SLC35F4: variants seen among roughly 807,000 people sequenced by gnomAD.
SLC35F4 encodes the protein solute carrier family 35 member F4, also known as chromosome 14 open reading frame 36.
SLC35F4 carries 24 observed loss-of-function variants against 44.2 expected under a neutral mutation model. That is an observed-to-expected ratio of 0.54 (90% CI 0.39 to 0.76). The LOEUF (loss-of-function observed/expected upper bound fraction) is 0.76. Ranked by LOEUF, SLC35F4 falls within the 30% of genes least tolerant of loss-of-function variation. The probability of loss-of-function intolerance (pLI) is 0.00; values close to 1 mark genes in which losing one functional copy is unlikely to be tolerated. For missense variants in SLC35F4, 562 were observed against 586.1 expected, an observed-to-expected ratio of 0.96 and a Z score of 0.42; for synonymous variants, 238 against 223.6, an observed-to-expected ratio of 1.06 and a Z score of -0.57.
chr14:57,627,287 T>G (rs541728401), intron 1 of SLC35F4, among the ~76,000 whole-genome samples: 17 of 152,236 alleles, frequency 1.1e-4, no homozygotes, highest in African/African-American at 3.9e-4. Flanking sequence ...TTTATCTTCG[T>G]AGTCTCAAAA....
chr14:57,609,399 T>C (rs1415507041), intron 1 of SLC35F4, among the ~76,000 whole-genome samples: 2 of 152,142 alleles, frequency 1.3e-5, no homozygotes, highest in Admixed American at 6.5e-5. Context: ...GCTTCCATGA[T>C]TGTTGCAAAT....
intron 1 of SLC35F4, among the ~76,000 whole-genome samples, chr14:57,656,374 TATACACACACACACACAC>T (rs2073973177): frequency 1.6e-5 from 2 of 125,678 alleles, no homozygotes; most frequent in African/African-American, 5.6e-5. Flanking sequence ...TATATATATA[TATACACACACACACACAC>T]ACACACACAC....
intron 1 of SLC35F4, among the ~76,000 whole-genome samples, chr14:57,836,863 C>T (rs755185856): frequency 1.3e-5 from 2 of 152,262 alleles, no homozygotes; most frequent in South Asian, 2.1e-4. Context: ...ATGACTATAA[C>T]GCCATCATCA....
chr14:57,958,273 T>C (rs1224348369), intron 1 of SLC35F4, among the ~76,000 whole-genome samples: 1 of 152,068 alleles, frequency 6.6e-6, no homozygotes, highest in East Asian at 1.9e-4. Flanking sequence ...TTAGCTGGGA[T>C]GGTCTCAATC....
intron 1 of SLC35F4, among the ~76,000 whole-genome samples, chr14:57,702,514 AT>A (rs1166665808): frequency 2.0e-5 from 3 of 152,160 alleles, no homozygotes; most frequent in Non-Finnish European, 2.9e-5. Flanking sequence ...GGCATCTTTA[AT>A]TTAGTTGAAT....
rs1233376646 is a variant in SLC35F4, at chr14:57,866,016, G to C, written c.-191C>G. Reference sequence around the variant, plus strand: ...CGGCGGCGGCGGCGGCGGCGGCGGAGCGGCCCCCACTCGGGCCGGCCTCTC... The same window carrying C: ...CGGCGGCGGCGGCGGCGGCGGCGGACCGGCCCCCACTCGGGCCGGCCTCTC... On this transcript the variant is annotated 5_prime_UTR_variant, in exon 1 of 8. Coordinates refer to ENST00000556826, the MANE Select transcript of SLC35F4 (RefSeq NM_001306087.2). The C allele has an allele frequency of 2.9e-6, 1 of 341,728 alleles. No individual in the cohort carries two copies. Among genetic ancestry groups the C allele is most frequent in the East Asian group, 5.3e-5 (1 of 19,024 alleles). The allele number at this position is 341,728 out of a possible 1,614,324, so 21.2% of individuals were successfully genotyped here.
intron 1 of SLC35F4, among the ~76,000 whole-genome samples, chr14:57,736,702 G>A (rs1270102370): frequency 6.6e-6 from 1 of 152,180 alleles, no homozygotes; most frequent in Non-Finnish European, 1.5e-5. Context: ...TGACCCTTGT[G>A]TCTCTCTCTG....
intron 1 of SLC35F4, among the ~76,000 whole-genome samples, chr14:57,971,136 C>T (rs1346271544): frequency 6.6e-6 from 1 of 152,206 alleles, no homozygotes; most frequent in African/African-American, 2.4e-5. Flanking sequence ...CAATCCAGAC[C>T]TTGCCAGACT....
At position 57,885,374 on chromosome 14, in the gene SLC35F4, G is replaced by A. The variant is rs934540479; in HGVS notation, n.282+96539C>T. ...ATGGAAGAAGCTTAGAACAGTGTCT[G>A]GCACAGAATAAGTGCAGCGCAAGTG... On this transcript the variant is annotated intron_variant and non_coding_transcript_variant, in intron 1 of 1. Transcript: ENST00000556568. Among the ~76,000 whole-genome samples, 6 of 152,148 alleles carry A rather than the reference G, an allele frequency of 3.9e-5. No individual in the cohort carries two copies. The South Asian group carries it at 1.2e-3, about 31-fold the overall frequency.
chr14:57,619,908 C>T (rs1383937233), intron 1 of SLC35F4, among the ~76,000 whole-genome samples: 1 of 151,686 alleles, frequency 6.6e-6, no homozygotes, highest in Admixed American at 6.6e-5. Flanking sequence ...AAAGTATCAA[C>T]AGCCGAATCA....
At chr14:57,779,407 C>T (rs139259063) in intron 1 of SLC35F4, among the ~76,000 whole-genome samples, 117 of 152,254 alleles carry the variant, frequency 7.7e-4, no homozygotes, top group East Asian at 6.2e-3. Context: ...TTCCTGGGTA[C>T]ATACGCCCTC....
chr14:57,944,736 AAAG>A (rs1281363016), intron 1 of SLC35F4, among the ~76,000 whole-genome samples: 2 of 140,062 alleles, frequency 1.4e-5, no homozygotes, highest in Non-Finnish European at 3.1e-5. Flanking sequence ...AGAAAGAAAG[AAAG>A]AAAGAAAGAA....
chr14:57,939,803 A>G (rs1482004702), intron 1 of SLC35F4, among the ~76,000 whole-genome samples: 1 of 152,234 alleles, frequency 6.6e-6, no homozygotes, highest in Admixed American at 6.5e-5. Flanking sequence ...CTAAACATCC[A>G]AGTTATAGAG....
Position 57,937,569 on chromosome 14 carries a change from GAAAAGAGAAAAGAAAAGAA to G in SLC35F4, n.282+44325_282+44343del, listed in dbSNP as rs1399580794. ...AAGGAAGGAAGGAAAGAAAAGAAAA[GAAAAGAGAAAAGAAAAGAA>G]AGAAAAGAAAAGAAAAGAAAAGAAA... On this transcript the variant is annotated intron_variant and non_coding_transcript_variant, in intron 1 of 1. Coordinates refer to the SLC35F4 transcript ENST00000556568. Among the ~76,000 whole-genome samples the G allele has an allele frequency of 6.7e-3, 742 of 111,228 alleles. 11 individuals carry two copies. The highest frequency in any genetic ancestry group is 0.02 in the Middle Eastern group (5 of 244). 73.0% of individuals were successfully genotyped at this position (111,228 alleles called of 152,430 possible).
At chr14:57,826,032 C>G (rs1225500470) in intron 1 of SLC35F4, among the ~76,000 whole-genome samples, 2 of 152,128 alleles carry the variant, frequency 1.3e-5, no homozygotes, top group South Asian at 2.1e-4. Context: ...TTATATGGAA[C>G]CAAAAATGAG....
At chr14:57,775,338 A>T (rs1690070705) in intron 1 of SLC35F4, among the ~76,000 whole-genome samples, 1 of 152,166 alleles carries the variant, frequency 6.6e-6, no homozygotes, top group Admixed American at 6.5e-5. Flanking sequence ...ACCTGTAAAC[A>T]AGGACAAATC....
chr14:57,817,526 T>C (rs1214565113), intron 1 of SLC35F4, among the ~76,000 whole-genome samples: 1 of 152,022 alleles, frequency 6.6e-6, no homozygotes, highest in Non-Finnish European at 1.5e-5. Flanking sequence ...AGGAAGGAAA[T>C]AAAATCTCTG....
intron 1 of SLC35F4, among the ~76,000 whole-genome samples, chr14:57,799,849 C>T (rs1417724849): frequency 1.3e-5 from 2 of 152,196 alleles, no homozygotes; most frequent in South Asian, 2.1e-4. Flanking sequence ...ATGGACAGAG[C>T]TCTGATCTCT....
At chr14:57,669,131 T>C (rs1279724118) in intron 1 of SLC35F4, among the ~76,000 whole-genome samples, 1 of 152,120 alleles carries the variant, frequency 6.6e-6, no homozygotes, top group Non-Finnish European at 1.5e-5. Flanking sequence ...GCTCTCTGTT[T>C]GTCTGTTATT....
Sources: gnomAD v4.1 joint callset for allele counts (sites outside exome capture counted in the v4.1 genomes callset) on GRCh38, gnomAD v4.1.1 for gene constraint, MANE v1.5 for transcripts, NCBI Gene and HGNC (gene_info 2026-07-23, HGNC 2026-07-21) for gene names.